The following RAB11FIP4 variants were observed in gnomAD, a reference collection of about 807,000 sequenced individuals.
RAB11FIP4 encodes the protein RAB11 family interacting protein 4, also known as rab11 family-interacting protein 4.
Under a neutral mutation model 74.3 loss-of-function variants are expected in RAB11FIP4, and 23 were observed. That is an observed-to-expected ratio of 0.31 (90% confidence interval 0.22 to 0.44). The LOEUF is 0.44. RAB11FIP4 is among the 20% of genes least tolerant of loss of function. The probability of loss-of-function intolerance (pLI) is 1.00; values close to 1 mark genes in which losing one functional copy is unlikely to be tolerated. For synonymous variants in RAB11FIP4, 360 were observed against 359.9 expected (o/e 1.00, Z 0.00); for missense variants, 630 against 863.9 (o/e 0.73, Z 3.39).
At chr17:31,498,544 C>G (rs1456186209) in intron 3 of RAB11FIP4, among the ~76,000 whole-genome samples, 2 of 152,172 alleles carry the variant, frequency 1.3e-5, no homozygotes, top group African/African-American at 4.8e-5. Flanking sequence ...CCTGCCTGCT[C>G]CAGAAGGGCG....
At chr17:31,476,827 C>T (rs573206841) in intron 3 of RAB11FIP4, among the ~76,000 whole-genome samples, 4 of 152,360 alleles carry the variant, frequency 2.6e-5, no homozygotes, top group Admixed American at 6.5e-5. Flanking sequence ...ACAGTGGCTC[C>T]GTGTCCAGAG....
chr17:31,462,899 G>C (rs1006957228), intron 3 of RAB11FIP4, among the ~76,000 whole-genome samples: 42 of 152,170 alleles, frequency 2.8e-4, no homozygotes, highest in African/African-American at 9.9e-4. Flanking sequence ...GCCTCCCAAA[G>C]TGCTGGCATT....
chr17:31,507,863 T>C lies in RAB11FIP4; in HGVS notation c.337-9788T>C, dbSNP rs566264784. 8.5e-5 allele frequency among the ~76,000 whole-genome samples: 13 copies of C among 152,232 alleles called. No individual in the cohort carries two copies. In the South Asian group the frequency reaches 2.7e-3, roughly 32 times the overall value. ...TTAACTAATTTATTTTTAGACAGGGTCTCACTCCCGTTGCCCAGGCTGGAG... is the reference window on the plus strand; with the variant it reads ...TTAACTAATTTATTTTTAGACAGGGCCTCACTCCCGTTGCCCAGGCTGGAG... On this transcript the variant is annotated intron_variant, in intron 3 of 14. Coordinates refer to ENST00000621161, the MANE Select transcript of RAB11FIP4 (RefSeq NM_032932.6).
chr17:31,488,589 C>A (rs918673802), intron 3 of RAB11FIP4, among the ~76,000 whole-genome samples: 2 of 152,234 alleles, frequency 1.3e-5, no homozygotes, highest in Non-Finnish European at 2.9e-5. Flanking sequence ...GCGGGATCGG[C>A]GTGGTACCCA....
Position 31,440,165 on chromosome 17 carries a change from G to A in RAB11FIP4, c.336+6043G>A, listed in dbSNP as rs575247873. 1.1e-4 allele frequency among the ~76,000 whole-genome samples: 16 copies of A among 152,260 alleles called. No individual in the cohort carries two copies. In the South Asian group the frequency reaches 3.3e-3, roughly 32 times the overall value. On this transcript the variant is annotated intron_variant, in intron 3 of 14. Coordinates refer to ENST00000621161, the MANE Select transcript of RAB11FIP4 (RefSeq NM_032932.6). Reference sequence around the variant, plus strand: ...ACTTTTGAGAAAAAGAAGTATTTATGCTTAGCTCTTTTATCCACCTGGAGC... The same window carrying A: ...ACTTTTGAGAAAAAGAAGTATTTATACTTAGCTCTTTTATCCACCTGGAGC...
intron 3 of RAB11FIP4, among the ~76,000 whole-genome samples, chr17:31,458,346 C>T (rs79540299): frequency 0.012 from 1,825 of 152,282 alleles, 39 homozygotes; most frequent in African/African-American, 0.042. Context: ...GCTGCAGGAC[C>T]ATCTTCTACC....
At chr17:31,431,569 G>A (rs922436355) in intron 1 of RAB11FIP4, 2 of 299,780 alleles carry the variant, frequency 6.7e-6, no homozygotes, top group Non-Finnish European at 1.1e-5. Flanking sequence ...CCCTGAAGCC[G>A]TGTGCTCAGG....
intron 3 of RAB11FIP4, among the ~76,000 whole-genome samples, chr17:31,484,276 G>A (rs1486289427): frequency 6.6e-6 from 1 of 151,722 alleles, no homozygotes; most frequent in African/African-American, 2.4e-5. Flanking sequence ...TCGTCACGTT[G>A]GCCAGGCTGG....
At chr17:31,498,334 C>T (rs2072155774) in intron 3 of RAB11FIP4, among the ~76,000 whole-genome samples, 1 of 152,210 alleles carries the variant, frequency 6.6e-6, no homozygotes, top group Non-Finnish European at 1.5e-5. Context: ...GAACACGAAG[C>T]TTGGGTAGCT....
chr17:31,418,254 G>A (rs1334075348), intron 1 of RAB11FIP4, among the ~76,000 whole-genome samples: 1 of 152,222 alleles, frequency 6.6e-6, no homozygotes, highest in Non-Finnish European at 1.5e-5. Context: ...TGGGTGTGGT[G>A]GCAGGCACCT....
chr17:31,479,797 T>C (rs1310027492), intron 3 of RAB11FIP4, among the ~76,000 whole-genome samples: 1 of 152,202 alleles, frequency 6.6e-6, no homozygotes, highest in Non-Finnish European at 1.5e-5. Flanking sequence ...CTCCCTTTTC[T>C]AGGATTGGTG....
intron 3 of RAB11FIP4, among the ~76,000 whole-genome samples, chr17:31,505,669 T>C (rs2072332960): frequency 1.3e-5 from 1 of 78,668 alleles, no homozygotes; most frequent in Non-Finnish European, 2.9e-5. Context: ...AATTATATAA[T>C]ACATAATTAT....
At chr17:31,468,464 G>C (rs1224013172) in intron 3 of RAB11FIP4, among the ~76,000 whole-genome samples, 2 of 152,168 alleles carry the variant, frequency 1.3e-5, no homozygotes, top group Non-Finnish European at 2.9e-5. Flanking sequence ...AATGGGAAGA[G>C]CAATGCATTC....
chr17:31,523,793 C>A, intron 8 of RAB11FIP4, 100 bp from the exon 9 acceptor site: 2 of 1,044,276 alleles, frequency 1.9e-6, no homozygotes, highest in Non-Finnish European at 3.0e-6. Flanking sequence ...CTCAGATACA[C>A]AGTGGTTTGG....
chr17:31,443,043 G>A (rs911255713), intron 3 of RAB11FIP4, among the ~76,000 whole-genome samples: 2 of 152,116 alleles, frequency 1.3e-5, no homozygotes, highest in African/African-American at 4.8e-5. Flanking sequence ...AATCCCATCA[G>A]GATTGCGTCA....
intron 1 of RAB11FIP4, among the ~76,000 whole-genome samples, chr17:31,407,768 G>A (rs1361016519): frequency 6.6e-6 from 1 of 152,144 alleles, no homozygotes; most frequent in Non-Finnish European, 1.5e-5. Flanking sequence ...GGGATGCTGA[G>A]TTCAATCACT....
intron 3 of RAB11FIP4, among the ~76,000 whole-genome samples, chr17:31,504,821 C>G (rs976192710): frequency 6.6e-6 from 1 of 152,070 alleles, no homozygotes; most frequent in Non-Finnish European, 1.5e-5. Context: ...GGATAATATT[C>G]GGTTTCTATG....
intron 3 of RAB11FIP4, among the ~76,000 whole-genome samples, chr17:31,492,482 C>T (rs1452483501): frequency 6.6e-6 from 1 of 152,136 alleles, no homozygotes; most frequent in South Asian, 2.1e-4. Context: ...TTGGCTACCT[C>T]TCCTGGCCAG....
chr17:31,502,246 C>G (rs997082156), intron 3 of RAB11FIP4, among the ~76,000 whole-genome samples: 1 of 150,780 alleles, frequency 6.6e-6, no homozygotes, highest in Non-Finnish European at 1.5e-5. Context: ...AATTGTAAGT[C>G]AAACCATTGT....
Sources: gnomAD v4.1 joint callset for allele counts (sites outside exome capture counted in the v4.1 genomes callset) on GRCh38, gnomAD v4.1.1 for gene constraint, MANE v1.5 for transcripts, NCBI Gene and HGNC (gene_info 2026-07-23, HGNC 2026-07-21) for gene names.